The following LRPPRC variants were observed in gnomAD, a reference collection of about 807,000 sequenced individuals.
LRPPRC encodes leucine rich pentatricopeptide repeat containing.
A neutral mutation model predicts 180.3 loss-of-function variants in LRPPRC; 120 were observed. The ratio of observed to expected loss-of-function variants is 0.67; its 90% CI spans 0.57 to 0.77. The LOEUF is 0.77. LRPPRC is among the 30% of genes least tolerant of loss of function. The pLI, the probability that LRPPRC is intolerant of heterozygous loss-of-function variation, is 0.00. For synonymous variants in LRPPRC, 723 were observed against 600.0 expected, an observed-to-expected ratio of 1.21 and a Z score of -3.00; for missense variants, 2,012 against 1,657.2, an observed-to-expected ratio of 1.21 and a Z score of -3.72.
Position 43,950,558 on chromosome 2 carries a change from A to G in LRPPRC, c.1677+15T>C, listed in dbSNP as rs1672859479. 1 of 1,610,606 alleles carries G rather than the reference A, an allele frequency of 6.2e-7. No homozygotes were observed. The highest frequency in any genetic ancestry group is 8.5e-7 in the Non-Finnish European group (1 of 1,176,964). On this transcript the variant is annotated intron_variant, in intron 15 of 37. Transcript: ENST00000260665. ...TTAAAAGCACCTTATGATTTGCAAT[A>G]TTAGAGGGACTTACCTCGCTCCAAA...
chr2:43,973,198 T>C (rs1673894499), intron 11 of LRPPRC, among the ~76,000 whole-genome samples: 1 of 152,184 alleles, frequency 6.6e-6, no homozygotes, highest in East Asian at 1.9e-4. Context: ...TAAAAAGAAA[T>C]AGATTGGCCC....
In LRPPRC at chr2:43,902,909, C is replaced by G. The variant is rs374635181; in HGVS notation, c.3365-1385G>C. ...AAACTTATTGAGCATTTACTACATG[C>G]CAGGCACAGCAGTTTAAACAGCTAC... On this transcript the variant is annotated intron_variant, in intron 31 of 37. Coordinates refer to ENST00000260665, the MANE Select transcript of LRPPRC (RefSeq NM_133259.4). 15 of 152,190 alleles carry G rather than the reference C, an allele frequency of 9.9e-5. No homozygotes were observed. In the East Asian group the frequency reaches 1.9e-3, roughly 20 times the overall value. The allele number at this position is 152,190 out of a possible 1,614,324, so 9.4% of individuals were successfully genotyped here.
chr2:43,974,810 G>C (rs1406592587), intron 7 of LRPPRC, 52 bp from the exon 8 acceptor site: 4 of 1,534,532 alleles, frequency 2.6e-6, no homozygotes, highest in Non-Finnish European at 3.6e-6. Flanking sequence ...TTTTATTTAA[G>C]TATTAAAGCT....
chr2:43,889,282 T>C (rs1228922907), intron 37 of LRPPRC, among the ~76,000 whole-genome samples: 1 of 111,038 alleles, frequency 9.0e-6, no homozygotes, highest in Non-Finnish European at 1.6e-5. Context: ...GCCATTGCAC[T>C]CCAGCCTGGG....
At chr2:43,888,971 A>G (rs1420818919) in intron 37 of LRPPRC, among the ~76,000 whole-genome samples, 1 of 152,146 alleles carries the variant, frequency 6.6e-6, no homozygotes, top group African/African-American at 2.4e-5. Context: ...CGGTGTATTG[A>G]CTCAGTTCAA....
chr2:43,995,873 G>T lies in LRPPRC; in HGVS notation c.75C>A (p.Arg25=). The part of the protein sequence containing the change: ...GAAPRLPLSL[R]LLPGGPGRLH... ...GCCGGCCCGGGCCGCCAGGGAGGAG[G>T]CGCAGGGAGAGCGGGAGGCGCGGGG... The change falls in exon 1 of 38, where the codon CGC becomes CGA. Residue 25 remains arginine (R), a synonymous_variant. Transcript: ENST00000260665. 1 of 1,504,906 alleles carries T rather than the reference G, an allele frequency of 6.6e-7. No individual in the cohort carries two copies. The highest frequency in any genetic ancestry group is 8.8e-7 in the Non-Finnish European group (1 of 1,134,686). 93.2% of individuals were successfully genotyped at this position (1,504,906 alleles called of 1,614,324 possible).
chr2:43,898,985 C>A (rs1670792808), intron 34 of LRPPRC, among the ~76,000 whole-genome samples: 1 of 152,166 alleles, frequency 6.6e-6, no homozygotes, highest in Non-Finnish European at 1.5e-5. Flanking sequence ...CGCCGCTCCC[C>A]GCTACCTCAA....
chr2:43,939,270 C>A (rs1446728998), intron 23 of LRPPRC, among the ~76,000 whole-genome samples: 3 of 151,504 alleles, frequency 2.0e-5, no homozygotes, highest in Admixed American at 2.0e-4. Flanking sequence ...GACAGCAAGA[C>A]TCCGTCTCAA....
At position 43,974,600 on chromosome 2, in the gene LRPPRC, T is replaced by C; in HGVS notation, c.1009+14A>G. On this transcript the variant is annotated intron_variant, in intron 8 of 37. Transcript: ENST00000260665. ...TTTTATAAAAATCATGTAAATAGAT[T>C]TTTTTAAAACTACCTGGAATATATC... The C allele has an allele frequency of 6.6e-7, 1 of 1,518,428 alleles. No homozygotes were observed. The highest frequency in any genetic ancestry group is 1.1e-5 in the South Asian group (1 of 87,234). 94.1% of individuals were successfully genotyped at this position (1,518,428 alleles called of 1,614,324 possible).
chr2:43,958,693 G>A (rs982890454), intron 13 of LRPPRC, among the ~76,000 whole-genome samples: 1 of 152,140 alleles, frequency 6.6e-6, no homozygotes, highest in Non-Finnish European at 1.5e-5. Flanking sequence ...GTGGGAAAAT[G>A]TTCTCTACTA....
intron 1 of LRPPRC, among the ~76,000 whole-genome samples, chr2:43,987,494 A>G: frequency 6.6e-6 from 1 of 150,798 alleles, no homozygotes. Context: ...GACTCCTCAA[A>G]AAAAAAAAAA....
chr2:43,888,719 A>T (rs943888601), intron 37 of LRPPRC, 63 bp from the exon 38 acceptor site: 4 of 880,386 alleles, frequency 4.5e-6, no homozygotes, highest in Middle Eastern at 2.1e-4. Flanking sequence ...TACATAACTT[A>T]AAAAATCATA....
Position 43,948,512 on chromosome 2 carries a change from A to C in LRPPRC, c.1742T>G (p.Val581Gly). Residue 581 changes from valine (V) to glycine (G), a missense_variant, in exon 17 of 38, where the codon GTT becomes GGT. Val to Gly is a moderately radical substitution (Grantham distance 109). Transcript: ENST00000260665. ...AATCAAGTTATAAAGAAAATAGCCA[A>C]CAGCTTCTGTGGAAAAAAACAAGAG... The part of the protein sequence containing the change: ...CQEPRGPTEA[V>G]GYFLYNLIDS... 6.4e-7 allele frequency: 1 copy of C among 1,553,890 alleles called. No homozygotes were observed. The highest frequency in any genetic ancestry group is 8.9e-7 in the Non-Finnish European group (1 of 1,125,034).
At chr2:43,902,446 CCAAA>C (rs1670922090) in intron 31 of LRPPRC, 1 of 152,090 alleles carries the variant, frequency 6.6e-6, no homozygotes. Context: ...CTAAGACTCT[CCAAA>C]CAGCTTTCCA....
chr2:43,917,904 T>C (rs1671532651), intron 29 of LRPPRC, 121 bp downstream of exon 29: 4 of 680,140 alleles, frequency 5.9e-6, no homozygotes, highest in Admixed American at 2.8e-5. Flanking sequence ...ACAAGAAATA[T>C]GTAAAATTTA....
At chr2:43,911,558 G>A (rs1386855135) in intron 30 of LRPPRC, among the ~76,000 whole-genome samples, 6 of 115,674 alleles carry the variant, frequency 5.2e-5, no homozygotes, top group East Asian at 2.6e-4. Flanking sequence ...ACAGGGTCTC[G>A]CTTTGTCACC....
intron 9 of LRPPRC, 46 bp downstream of exon 9, chr2:43,974,104 T>G: frequency 6.5e-7 from 1 of 1,544,432 alleles, no homozygotes; most frequent in Non-Finnish European, 9.0e-7. Context: ...AGAATCTTAT[T>G]TCACTGCCAA....
At chr2:43,909,630 TAA>T (rs1671186747) in intron 30 of LRPPRC, among the ~76,000 whole-genome samples, 5 of 149,432 alleles carry the variant, frequency 3.3e-5, no homozygotes. Flanking sequence ...ATAATAATAA[TAA>T]TAATAATAAT....
chr2:43,923,323 T>G (rs1671763129), intron 27 of LRPPRC, among the ~76,000 whole-genome samples: 1 of 151,122 alleles, frequency 6.6e-6, no homozygotes, highest in Non-Finnish European at 1.5e-5. Flanking sequence ...CACAAAAAGT[T>G]AAAAAGAAAA....
Sources: allele counts gnomAD v4.1 joint callset (sites outside exome capture counted in the v4.1 genomes callset), GRCh38; gene constraint gnomAD v4.1.1; transcripts MANE v1.5; gene names NCBI Gene and HGNC (gene_info 2026-07-23, HGNC 2026-07-21).